Variants in CCDC149 observed in about 807,000 individuals in gnomAD.
CCDC149 encodes the protein coiled-coil domain containing 149.
CCDC149 carries 45 observed loss-of-function variants against 59.9 expected under a neutral mutation model. The ratio of observed to expected loss-of-function variants is 0.75; its 90% CI spans 0.59 to 0.96. CCDC149 has a LOEUF of 0.96. Among genes scored for constraint, CCDC149 ranks in the 40% least tolerant of loss-of-function variants. The probability of loss-of-function intolerance (pLI) is 0.00; values close to 1 mark genes in which losing one functional copy is unlikely to be tolerated. For synonymous variants in CCDC149, 245 were observed against 260.6 expected (o/e 0.94, Z 0.58); for missense variants, 584 against 664.7 (o/e 0.88, Z 1.33).
chr4:24,941,794 A>G (rs1411265779), intron 1 of CCDC149, among the ~76,000 whole-genome samples: 3 of 152,232 alleles, frequency 2.0e-5, no homozygotes, highest in Non-Finnish European at 2.9e-5. Context: ...TAGAAAATCT[A>G]GAAGAAATGG....
At chr4:24,829,781 A>C (rs1577388948) in intron 9 of CCDC149, 1 of 151,968 alleles carries the variant, frequency 6.6e-6, no homozygotes. Flanking sequence ...AAGTGTCCCC[A>C]CCCCCCAGCC....
At chr4:24,811,056 T>G (rs1333036488) in intron 12 of CCDC149, among the ~76,000 whole-genome samples, 3 of 152,224 alleles carry the variant, frequency 2.0e-5, no homozygotes, top group Admixed American at 2.0e-4. Flanking sequence ...CGAGATTCTT[T>G]CTGATAATAT....
At chr4:24,873,740 C>A (rs762742400) in intron 2 of CCDC149, 21 bp from the exon 3 acceptor site, 1 of 1,591,854 alleles carries the variant, frequency 6.3e-7, no homozygotes. Context: ...ACAAATGCTG[C>A]ATTTTACTCT....
At chr4:24,858,028 CAA>C (rs929250022) in intron 3 of CCDC149, among the ~76,000 whole-genome samples, 1 of 151,572 alleles carries the variant, frequency 6.6e-6, no homozygotes, top group Admixed American at 6.6e-5. Flanking sequence ...TAAAGAACAG[CAA>C]AAAAAAAAGA....
At chr4:24,895,734 T>C in intron 1 of CCDC149, among the ~76,000 whole-genome samples, 1 of 152,162 alleles carries the variant, frequency 6.6e-6, no homozygotes, top group East Asian at 1.9e-4. Context: ...TCTCACTTTC[T>C]TGGAGCCTCT....
At chr4:24,951,325 T>C (rs1211992959) in intron 1 of CCDC149, among the ~76,000 whole-genome samples, 1 of 152,242 alleles carries the variant, frequency 6.6e-6, no homozygotes, top group African/African-American at 2.4e-5. Flanking sequence ...GTGGACAGCG[T>C]GGCCCTTGGG....
chr4:24,939,912 C>T lies in CCDC149; in HGVS notation c.-65+40157G>A, dbSNP rs542470251. Among the ~76,000 whole-genome samples the T allele has an allele frequency of 4.6e-4, 70 of 152,306 alleles. 1 individual carries two copies. In the South Asian group the frequency reaches 0.013, roughly 29 times the overall value. ...GGACTATGTGAAAAGACCAAATCTACGTCTCATTGGCGTACCTGAAAGTGA... is the reference window on the plus strand; with the variant it reads ...GGACTATGTGAAAAGACCAAATCTATGTCTCATTGGCGTACCTGAAAGTGA... On this transcript the variant is annotated intron_variant, in intron 1 of 12. Transcript: ENST00000389609.
intron 1 of CCDC149, among the ~76,000 whole-genome samples, chr4:24,889,622 A>C (rs938485133): frequency 6.6e-6 from 1 of 152,206 alleles, no homozygotes; most frequent in African/African-American, 2.4e-5. Context: ...TATTGCAATT[A>C]CACATTATGA....
intron 1 of CCDC149, among the ~76,000 whole-genome samples, chr4:24,920,521 C>A (rs1722255472): frequency 6.6e-6 from 1 of 152,222 alleles, no homozygotes; most frequent in Admixed American, 6.5e-5. Context: ...AGCCCTGGAA[C>A]TGGCATAGAG....
At chr4:24,938,263 G>T (rs56273429) in intron 1 of CCDC149, among the ~76,000 whole-genome samples, 9,505 of 152,226 alleles carry the variant, frequency 0.062, 375 homozygotes, top group Middle Eastern at 0.1. Flanking sequence ...CCTAAAAGAG[G>T]AATATTATTT....
intron 1 of CCDC149, among the ~76,000 whole-genome samples, chr4:24,978,077 A>G (rs530578755): frequency 2.0e-5 from 3 of 152,272 alleles, no homozygotes; most frequent in Admixed American, 2.0e-4. Flanking sequence ...GGCTGCACTG[A>G]CCTATATTTG....
At chr4:24,822,795 T>C in intron 9 of CCDC149, 1 of 366,212 alleles carries the variant, frequency 2.7e-6, no homozygotes, top group East Asian at 4.4e-5. Flanking sequence ...TAAAATGCCA[T>C]GAAAGTGAGT....
At chr4:24,839,022 TCTCTCTCA>T (rs779260671) in intron 4 of CCDC149, among the ~76,000 whole-genome samples, 8 of 108,386 alleles carry the variant, frequency 7.4e-5, no homozygotes, top group Non-Finnish European at 1.3e-4. Context: ...TCTCTCTCTC[TCTCTCTCA>T]CACACACACA....
intron 1 of CCDC149, among the ~76,000 whole-genome samples, chr4:24,909,347 C>T (rs538995372): frequency 6.6e-6 from 1 of 152,256 alleles, no homozygotes; most frequent in East Asian, 1.9e-4. Flanking sequence ...TCCACAGGTC[C>T]TTCTGCCAGG....
In CCDC149 at chr4:24,806,729, G is replaced by C. The variant is rs569434012; in HGVS notation, c.*1660C>G. The C allele has an allele frequency of 3.3e-5, 5 of 153,384 alleles. No homozygotes were observed. The East Asian group carries it at 9.6e-4, about 30-fold the overall frequency. The allele number at this position is 153,384 out of a possible 1,614,324, so 9.5% of individuals were successfully genotyped here. On this transcript the variant is annotated 3_prime_UTR_variant, in exon 13 of 13. Coordinates refer to ENST00000635206, the MANE Select transcript of CCDC149 (RefSeq NM_001330643.2). ...GGGCGATAGGCTGGGACAGAAGGAA[G>C]GATGGAATACTGGACCTGGTGGCCA...
At chr4:24,855,597 AG>A (rs200417363) in intron 3 of CCDC149, among the ~76,000 whole-genome samples, 12 of 142,766 alleles carry the variant, frequency 8.4e-5, no homozygotes, top group African/African-American at 2.9e-4. Context: ...GGAAGAAAAA[AG>A]AAAAAAAAGA....
chr4:24,876,340 C>CACAGAG (rs1553854702), intron 2 of CCDC149, among the ~76,000 whole-genome samples, 196 bp downstream of exon 2: 1 of 103,228 alleles, frequency 9.7e-6, no homozygotes, highest in Non-Finnish European at 2.0e-5. Flanking sequence ...CACACACACA[C>CACAGAG]AGAGAGAGAG....
At chr4:24,949,149 T>C (rs946195817) in intron 1 of CCDC149, among the ~76,000 whole-genome samples, 1 of 152,182 alleles carries the variant, frequency 6.6e-6, no homozygotes, top group Non-Finnish European at 1.5e-5. Flanking sequence ...TCATCATGCC[T>C]TTGGGGTTTC....
At chr4:24,969,629 A>G (rs1038545463) in intron 1 of CCDC149, among the ~76,000 whole-genome samples, 3 of 152,236 alleles carry the variant, frequency 2.0e-5, no homozygotes, top group Non-Finnish European at 4.4e-5. Flanking sequence ...GAACGGCCAC[A>G]GAAAGGCAGC....
Sources: gnomAD v4.1 joint callset for allele counts (sites outside exome capture counted in the v4.1 genomes callset) on GRCh38, gnomAD v4.1.1 for gene constraint, MANE v1.5 for transcripts, NCBI Gene and HGNC (gene_info 2026-07-23, HGNC 2026-07-21) for gene names.